Variants in PDGFC observed in about 807,000 individuals in gnomAD.
The protein encoded by PDGFC is platelet-derived growth factor C.
A neutral mutation model predicts 35.5 loss-of-function variants in PDGFC; 12 were observed. The observed-to-expected ratio is 0.34, with a 90% CI of 0.22 to 0.55. PDGFC has a LOEUF of 0.55. Among genes scored for constraint, PDGFC ranks in the 20% least tolerant of loss-of-function variants. The probability of loss-of-function intolerance (pLI) is 0.91; values close to 1 mark genes in which losing one functional copy is unlikely to be tolerated. For synonymous variants in PDGFC, 159 were observed against 148.8 expected (o/e 1.07, Z -0.50); for missense variants, 322 against 412.4 (o/e 0.78, Z 1.90).
intron 3 of PDGFC, among the ~76,000 whole-genome samples, chr4:156,797,841 C>T (rs1731491698): frequency 1.3e-5 from 2 of 152,112 alleles, no homozygotes; most frequent in South Asian, 4.1e-4. Context: ...TCTGTTTACA[C>T]ATCTAGTTAG....
At chr4:156,795,489 A>G (rs912971682) in intron 3 of PDGFC, among the ~76,000 whole-genome samples, 3 of 152,194 alleles carry the variant, frequency 2.0e-5, no homozygotes, top group Non-Finnish European at 4.4e-5. Flanking sequence ...CTGTTTAAAA[A>G]AAAAGTACAG....
At chr4:156,918,743 C>T (rs868265076) in intron 1 of PDGFC, among the ~76,000 whole-genome samples, 1 of 152,160 alleles carries the variant, frequency 6.6e-6, no homozygotes, top group Non-Finnish European at 1.5e-5. Context: ...AACTCTCTTC[C>T]GTGAAACTGA....
At chr4:156,842,633 AG>A (rs982398329) in intron 2 of PDGFC, among the ~76,000 whole-genome samples, 3 of 152,166 alleles carry the variant, frequency 2.0e-5, no homozygotes, top group African/African-American at 7.2e-5. Context: ...CTCTCAGCTT[AG>A]TAGTCAAGGT....
intron 1 of PDGFC, among the ~76,000 whole-genome samples, chr4:156,943,700 T>C (rs1268198323): frequency 1.3e-5 from 2 of 152,134 alleles, no homozygotes; most frequent in Admixed American, 6.6e-5. Context: ...AACTAAAATC[T>C]ATTAAGCAGA....
In PDGFC at chr4:156,838,491, G is replaced by A. The variant is rs1281007029; in HGVS notation, c.314+11730C>T. Among the ~76,000 whole-genome samples the A allele has an allele frequency of 5.3e-5, 8 of 151,894 alleles. No individual in the cohort carries two copies. In the South Asian group the frequency reaches 1.7e-3, roughly 31 times the overall value. ...AGATCATTTAAGTGCTAAATACCTT[G>A]ACACTTTCATGACTTTCTCTGCTAT... On this transcript the variant is annotated intron_variant, in intron 2 of 5. Transcript: ENST00000502773.
intron 1 of PDGFC, among the ~76,000 whole-genome samples, chr4:156,954,984 A>C (rs1252263399): frequency 6.6e-6 from 1 of 152,012 alleles, no homozygotes; most frequent in African/African-American, 2.4e-5. Context: ...TGACACTTGA[A>C]AATTATGGGA....
rs1033331098 is a variant in PDGFC at position 156,892,855 on chromosome 4, C to T, written c.119-42439G>A. On this transcript the variant is annotated intron_variant, in intron 1 of 5. Transcript: ENST00000502773. ...AAGCTGTTATACTTCTTACGTCAAACGTCCAAGGCAAGATTCTAGGCTTTA... is the reference window on the plus strand; with the variant it reads ...AAGCTGTTATACTTCTTACGTCAAATGTCCAAGGCAAGATTCTAGGCTTTA... Among the ~76,000 whole-genome samples the T allele has an allele frequency of 9.2e-5, 14 of 152,310 alleles. No homozygotes were observed. The East Asian group carries it at 1.7e-3, about 19-fold the overall frequency.
intron 2 of PDGFC, among the ~76,000 whole-genome samples, chr4:156,832,448 G>T (rs1160832320): frequency 6.6e-6 from 1 of 151,920 alleles, no homozygotes; most frequent in East Asian, 1.9e-4. Context: ...GTAGAGACAG[G>T]GTTTCGCCAT....
At chr4:156,922,880 G>C (rs1731320376) in intron 1 of PDGFC, among the ~76,000 whole-genome samples, 1 of 152,074 alleles carries the variant, frequency 6.6e-6, no homozygotes, top group African/African-American at 2.4e-5. Context: ...CTGACAGTAA[G>C]AAAAGTGCCA....
intron 3 of PDGFC, among the ~76,000 whole-genome samples, chr4:156,781,641 A>G (rs1730982125): frequency 6.6e-6 from 1 of 151,926 alleles, no homozygotes; most frequent in Non-Finnish European, 1.5e-5. Flanking sequence ...TAACTCTCCT[A>G]CTGCTGACAA....
At chr4:156,900,143 C>T (rs1455257199) in intron 1 of PDGFC, among the ~76,000 whole-genome samples, 3 of 152,166 alleles carry the variant, frequency 2.0e-5, no homozygotes, top group African/African-American at 7.2e-5. Flanking sequence ...CAACTAATCC[C>T]AATCTCCAAT....
Position 156,827,991 on chromosome 4 carries a change from C to T in PDGFC, c.315-16974G>A, listed in dbSNP as rs115879338. Among the ~76,000 whole-genome samples the T allele has an allele frequency of 2.8e-3, 426 of 152,306 alleles. 3 individuals carry two copies. Among genetic ancestry groups the T allele is most frequent in the African/African-American group, 9.7e-3 (405 of 41,564 alleles). On this transcript the variant is annotated intron_variant, in intron 2 of 5. Coordinates refer to ENST00000502773, the MANE Select transcript of PDGFC (RefSeq NM_016205.3). ...AGTCCTGGACTTTGCAAGGCCTCTCCTCCGAACATGCAGGCCAAAGATCAG... is the reference window on the plus strand; with the variant it reads ...AGTCCTGGACTTTGCAAGGCCTCTCTTCCGAACATGCAGGCCAAAGATCAG...
At chr4:156,921,510 A>G (rs899126654) in intron 1 of PDGFC, among the ~76,000 whole-genome samples, 6 of 152,008 alleles carry the variant, frequency 3.9e-5, no homozygotes. Context: ...GAAAGGAAAC[A>G]AAAGAAAAAA....
intron 2 of PDGFC, among the ~76,000 whole-genome samples, chr4:156,814,715 T>C (rs1049755006): frequency 6.6e-5 from 10 of 152,234 alleles, no homozygotes; most frequent in African/African-American, 2.4e-4. Flanking sequence ...AAAAATAAAC[T>C]ACCTCATATG....
chr4:156,806,315 G>A (rs1731769981), intron 3 of PDGFC, among the ~76,000 whole-genome samples: 1 of 151,798 alleles, frequency 6.6e-6, no homozygotes, highest in African/African-American at 2.4e-5. Context: ...TTTGTATGGT[G>A]GCTATAACTT....
At chr4:156,770,047 C>T (rs969476077) in intron 4 of PDGFC, 11 of 151,888 alleles carry the variant, frequency 7.2e-5, no homozygotes, top group Non-Finnish European at 1.5e-4. Flanking sequence ...AGATTGTATA[C>T]GTTTCCTTTA....
rs1381536100 is a variant in PDGFC at position 156,773,220 on chromosome 4, T to G, written c.496-327A>C. ...AAACTATAATACAGTTTACCAAATT[T>G]TCCTTTTCTTTTCCACTTTTCATTT... On this transcript the variant is annotated intron_variant, in intron 3 of 5. Transcript: ENST00000502773. Among the ~76,000 whole-genome samples, 3 of 152,216 alleles carry G rather than the reference T, an allele frequency of 2.0e-5. No homozygotes were observed. In the South Asian group the frequency reaches 6.2e-4, roughly 31 times the overall value.
intron 3 of PDGFC, among the ~76,000 whole-genome samples, chr4:156,796,516 T>TA (rs1731446582): frequency 7.4e-6 from 1 of 135,786 alleles, no homozygotes; most frequent in Non-Finnish European, 1.6e-5. Context: ...TTTTTTTTTT[T>TA]ACAAAAGGTG....
At chr4:156,942,436 G>A (rs1298011923) in intron 1 of PDGFC, among the ~76,000 whole-genome samples, 4 of 151,864 alleles carry the variant, frequency 2.6e-5, no homozygotes, top group Non-Finnish European at 5.9e-5. Flanking sequence ...GATTCCACAG[G>A]AGAAGAGAAA....
Sources: gnomAD v4.1 joint callset for allele counts (sites outside exome capture counted in the v4.1 genomes callset) on GRCh38, gnomAD v4.1.1 for gene constraint, MANE v1.5 for transcripts, NCBI Gene and HGNC (gene_info 2026-07-23, HGNC 2026-07-21) for gene names.